The following CDC123 variants were observed in gnomAD, a reference collection of about 807,000 sequenced individuals.
The protein encoded by CDC123 is translation initiation factor eIF2 assembly protein.
CDC123 carries 37 observed loss-of-function variants against 54.4 expected under a neutral mutation model. That is an observed-to-expected ratio of 0.68 (90% CI 0.52 to 0.89). CDC123 has a LOEUF of 0.89. CDC123 is among the 40% of genes least tolerant of loss of function. CDC123 has a pLI of 0.00. For missense variants in CDC123, 361 were observed against 412.1 expected (o/e 0.88, Z 1.07); for synonymous variants, 144 against 136.8 (o/e 1.05, Z -0.37).
intron 3 of CDC123, 31 bp downstream of exon 3, chr10:12,210,055 A>C: frequency 6.2e-7 from 1 of 1,604,080 alleles, no homozygotes; most frequent in Non-Finnish European, 8.5e-7. Flanking sequence ...TCTGTTCTGT[A>C]GACTGTTGTA....
Position 12,232,168 on chromosome 10 carries a change from C to T in CDC123, c.489+1172C>T, listed in dbSNP as rs139097339. Among the ~76,000 whole-genome samples the T allele has an allele frequency of 5.0e-4, 76 of 152,114 alleles. 2 individuals are homozygous for T. In the East Asian group the frequency reaches 0.01, roughly 21 times the overall value. ...TGCCTTTTTTTAAATGCAGACTCCA[C>T]GTTTCAACTCCGATTCCTGGTCCTT... is the stretch of plus-strand genomic sequence containing the variant. On this transcript the variant is annotated intron_variant, in intron 7 of 12. Coordinates refer to ENST00000281141, the MANE Select transcript of CDC123 (RefSeq NM_006023.3).
intron 6 of CDC123, among the ~76,000 whole-genome samples, chr10:12,220,656 G>A (rs1443176891): frequency 1.3e-5 from 2 of 152,234 alleles, no homozygotes; most frequent in Non-Finnish European, 2.9e-5. Context: ...AAAGATGAAT[G>A]TTTGTCACAA....
intron 2 of CDC123, among the ~76,000 whole-genome samples, chr10:12,207,529 T>G (rs182841457): frequency 6.6e-6 from 1 of 152,292 alleles, no homozygotes; most frequent in Admixed American, 6.5e-5. Flanking sequence ...CCTTCATATT[T>G]AAGAGTGAGG....
chr10:12,250,462 A>G lies in CDC123; in HGVS notation c.*125A>G, dbSNP rs1836226241. 1 of 759,252 alleles carries G rather than the reference A, an allele frequency of 1.3e-6. No homozygotes were observed. The highest frequency in any genetic ancestry group is 1.7e-5 in the African/African-American group (1 of 58,330). 47.0% of individuals were successfully genotyped at this position (759,252 alleles called of 1,614,324 possible). A position where few individuals can be genotyped will look rare whatever the true frequency, so the allele number is the denominator to read the frequency against. ...GCAGTGTGGACATCAGCCACTTTTT[A>G]TATTCATGTACATTCACCTGGGGAA... is the stretch of plus-strand genomic sequence containing the variant. On this transcript the variant is annotated 3_prime_UTR_variant, in exon 13 of 13. Coordinates refer to ENST00000281141, the MANE Select transcript of CDC123 (RefSeq NM_006023.3).
At chr10:12,218,237 CTTT>C (rs1185705109) in intron 6 of CDC123, among the ~76,000 whole-genome samples, 1 of 134,398 alleles carries the variant, frequency 7.4e-6, no homozygotes, top group African/African-American at 2.7e-5. Context: ...GTTTGTATTT[CTTT>C]TTTTTTCTTT....
chr10:12,200,968 A>G (rs4414121), intron 2 of CDC123, among the ~76,000 whole-genome samples: 148,148 of 152,224 alleles, frequency 0.97, 72,215 homozygotes, highest in East Asian at 1. Context: ...AACACGATAC[A>G]GTGCTTTACA....
chr10:12,196,342 C>T (rs202058655), intron 1 of CDC123, 23 bp downstream of exon 1: 3 of 1,613,760 alleles, frequency 1.9e-6, no homozygotes, highest in Admixed American at 1.7e-5. Flanking sequence ...GGGGTTCGCC[C>T]GGTCGACCGG....
intron 6 of CDC123, among the ~76,000 whole-genome samples, chr10:12,229,334 C>G (rs1835868722): frequency 6.6e-6 from 1 of 152,186 alleles, no homozygotes; most frequent in South Asian, 2.1e-4. Context: ...TAATGAAGTC[C>G]AAGTCCCCTG....
rs914919223 is a variant in CDC123, at chr10:12,230,948, G to T, written c.441G>T (p.Pro147=). The stretch of plus-strand genomic sequence containing the variant: ...GTTGCCTTTTCTTCTTCTTCCAAAG[G>T]TTTATTCATTGTACTGATGATTCTC... ...SDFITRDFTQ[P]FIHCTDDSPD... is the part of the protein sequence containing the mutation. The change falls in exon 7 of 13, where the codon CCG becomes CCT. Residue 147 remains proline (P), a splice_region_variant and synonymous_variant. Transcript: ENST00000281141. The T allele has an allele frequency of 6.2e-7, 1 of 1,611,572 alleles. No homozygotes were observed. The highest frequency in any genetic ancestry group is 1.1e-5 in the South Asian group (1 of 90,356).
intron 2 of CDC123, among the ~76,000 whole-genome samples, chr10:12,207,459 T>C (rs749076097): frequency 5.9e-5 from 9 of 152,194 alleles, no homozygotes; most frequent in Non-Finnish European, 1.2e-4. Flanking sequence ...TTTTCTCTCC[T>C]TTTTGAAAAC....
rs1411739019 is a variant in CDC123, at chr10:12,221,093, TA to T, written c.440+3631del. Among the ~76,000 whole-genome samples, 4 of 151,382 alleles carry T rather than the reference TA, an allele frequency of 2.6e-5. No homozygotes were observed. In the East Asian group the frequency reaches 5.8e-4, roughly 22 times the overall value. On this transcript the variant is annotated intron_variant, in intron 6 of 12. Transcript: ENST00000281141. ...ATAATATGTATAAATTTATATAACATAAAAATGAGATTATGTTGTTTATACT... is the reference window on the plus strand; with the variant it reads ...ATAATATGTATAAATTTATATAACATAAAATGAGATTATGTTGTTTATACT...
intron 9 of CDC123, 121 bp from the exon 10 acceptor site, chr10:12,238,336 G>A (rs1476115694): frequency 9.2e-7 from 1 of 1,082,234 alleles, no homozygotes; most frequent in Non-Finnish European, 1.3e-6. Flanking sequence ...TTAGAAGCAT[G>A]AAGTCCTCAG....
intron 2 of CDC123, among the ~76,000 whole-genome samples, chr10:12,209,384 T>G (rs1252935247): frequency 6.6e-6 from 1 of 151,984 alleles, no homozygotes; most frequent in East Asian, 1.9e-4. Flanking sequence ...CCACAGGTGT[T>G]CTCCTTCACA....
At chr10:12,208,723 T>G (rs545886750) in intron 2 of CDC123, among the ~76,000 whole-genome samples, 1 of 152,294 alleles carries the variant, frequency 6.6e-6, no homozygotes, top group South Asian at 2.1e-4. Context: ...GAGGGCTGTG[T>G]GTCCTGGACC....
intron 2 of CDC123, among the ~76,000 whole-genome samples, chr10:12,209,336 A>G (rs1365082113): frequency 1.3e-5 from 2 of 152,098 alleles, no homozygotes; most frequent in African/African-American, 4.8e-5. Flanking sequence ...TCTTGGGCTC[A>G]AGGGATCCTT....
At chr10:12,241,604 G>C (rs146730172) in intron 10 of CDC123, among the ~76,000 whole-genome samples, 1 of 152,158 alleles carries the variant, frequency 6.6e-6, no homozygotes, top group African/African-American at 2.4e-5. Context: ...TGCGTTTACA[G>C]ACTCTCATCC....
At chr10:12,250,220 C>A in intron 12 of CDC123, 91 bp from the exon 13 acceptor site, 1 of 728,376 alleles carries the variant, frequency 1.4e-6, no homozygotes. Context: ...TAATTACATC[C>A]TTTGCCAAGA....
chr10:12,214,301 GA>G (rs1835637435), intron 4 of CDC123, among the ~76,000 whole-genome samples: 1 of 152,228 alleles, frequency 6.6e-6, no homozygotes, highest in African/African-American at 2.4e-5. Flanking sequence ...CCATCTCACA[GA>G]AGTGGGGTTT....
intron 8 of CDC123, among the ~76,000 whole-genome samples, chr10:12,235,490 A>G (rs1292105656): frequency 6.6e-6 from 1 of 152,214 alleles, no homozygotes; most frequent in Non-Finnish European, 1.5e-5. Context: ...CAAGTTTTGG[A>G]ACCTTTATTT....
Sources: gnomAD v4.1 joint callset for allele counts (sites outside exome capture counted in the v4.1 genomes callset) on GRCh38, gnomAD v4.1.1 for gene constraint, MANE v1.5 for transcripts, NCBI Gene and HGNC (gene_info 2026-07-23, HGNC 2026-07-21) for gene names.